Variants in CELF2 observed in about 807,000 individuals in gnomAD.
CELF2 encodes CUG triplet repeat RNA-binding protein 2.
Under a neutral mutation model 62.6 loss-of-function variants are expected in CELF2, and 8 were observed. The ratio of observed to expected loss-of-function variants is 0.13; its 90% CI spans 0.07 to 0.23. The LOEUF is 0.23. Ranked by LOEUF, CELF2 falls within the 10% of genes least tolerant of loss-of-function variation. The pLI is 1.00. For synonymous variants in CELF2, 258 were observed against 250.0 expected (o/e 1.03, Z -0.30); for missense variants, 333 against 671.0 (o/e 0.50, Z 5.56).
intron 2 of CELF2, among the ~76,000 whole-genome samples, chr10:11,186,668 C>T (rs1049714191): frequency 1.3e-5 from 2 of 152,108 alleles, no homozygotes; most frequent in African/African-American, 4.8e-5. Context: ...TGCTCTAAAA[C>T]CTGAAATTTT....
At chr10:10,879,183 T>C (rs536564514) in intron 1 of CELF2, among the ~76,000 whole-genome samples, 1 of 152,322 alleles carries the variant, frequency 6.6e-6, no homozygotes, top group South Asian at 2.1e-4. Context: ...AAGTAAACAC[T>C]GTGTCACTTT....
the CELF2 span, among the ~76,000 whole-genome samples, chr10:10,545,309 C>G: frequency 6.6e-6 from 1 of 152,136 alleles, no homozygotes; most frequent in Non-Finnish European, 1.5e-5. Flanking sequence ...ATTCACATCC[C>G]CACTCAGGTT....
chr10:10,844,521 T>C (rs1012802021), intron 1 of CELF2, among the ~76,000 whole-genome samples: 5 of 152,112 alleles, frequency 3.3e-5, no homozygotes, highest in Admixed American at 6.6e-5. Flanking sequence ...CAGGACGGGC[T>C]TGCTGTACTG....
At chr10:10,494,501 C>T in the CELF2 span, among the ~76,000 whole-genome samples, 8 of 152,150 alleles carry the variant, frequency 5.3e-5, no homozygotes, top group Non-Finnish European at 7.4e-5. Flanking sequence ...GTTTTACATA[C>T]GGGAAGAACA....
At chr10:10,663,388 A>AT in the CELF2 span, among the ~76,000 whole-genome samples, 1 of 152,204 alleles carries the variant, frequency 6.6e-6, no homozygotes, top group African/African-American at 2.4e-5. Context: ...AAAATCCAGG[A>AT]TATTCATACA....
chr10:10,705,291 C>T, the CELF2 span, among the ~76,000 whole-genome samples: 2 of 151,552 alleles, frequency 1.3e-5, no homozygotes, highest in East Asian at 1.9e-4. Context: ...TTGTGAAGCT[C>T]TCAAACTCTG....
At chr10:11,027,946 C>G (rs765210878) in intron 1 of CELF2, among the ~76,000 whole-genome samples, 1 of 152,160 alleles carries the variant, frequency 6.6e-6, no homozygotes, top group African/African-American at 2.4e-5. Flanking sequence ...TAAAACTGGC[C>G]GCAAGTTCCC....
chr10:11,040,364 G>A (rs1412526995), intron 1 of CELF2, among the ~76,000 whole-genome samples: 1 of 152,160 alleles, frequency 6.6e-6, no homozygotes, highest in Non-Finnish European at 1.5e-5. Context: ...TTCCTAATCT[G>A]CTATAATAAC....
chr10:11,318,652 C>G lies in CELF2; in HGVS notation c.1097-2537C>G. The G allele has an allele frequency of 2.5e-6, 1 of 400,076 alleles. No homozygotes were observed. Among genetic ancestry groups the G allele is most frequent in the Non-Finnish European group, 5.2e-6 (1 of 193,592 alleles). The allele number at this position is 400,076 out of a possible 1,614,324, so 24.8% of individuals were successfully genotyped here. A position where few individuals can be genotyped will look rare whatever the true frequency, so the allele number is the denominator to read the frequency against. On this transcript the variant is annotated intron_variant, in intron 10 of 12. Transcript: ENST00000633077. The surrounding 1 kb of genome is among the most constrained non-coding windows in gnomAD (Gnocchi z 5.4). ...CCTCTGAAACATCCATCCAGTATTT[C>G]AAGAGCAGGAGCTGTGTTCTGCTTC...
At chr10:10,839,520 T>C (rs1489473236) in intron 1 of CELF2, among the ~76,000 whole-genome samples, 3 of 152,236 alleles carry the variant, frequency 2.0e-5, no homozygotes, top group African/African-American at 7.2e-5. Flanking sequence ...GAAACAACTT[T>C]ATCAACTACA....
chr10:10,661,325 T>G, the CELF2 span, among the ~76,000 whole-genome samples: 2 of 152,352 alleles, frequency 1.3e-5, no homozygotes, highest in Middle Eastern at 3.4e-3. Context: ...TCAACTATGG[T>G]TGTGTGTATT....
rs2075963797 is a variant in CELF2, at chr10:11,247,513, A to G, written c.355-1640A>G. 1.3e-5 allele frequency among the ~76,000 whole-genome samples: 2 copies of G among 151,794 alleles called. No individual in the cohort carries two copies. The highest frequency in any genetic ancestry group is 4.8e-5 in the African/African-American group (2 of 41,294). ...TGTGGGCTCTGTCCTGCCTCTCCCCACATGCTTGCCAGGGTGCTTACCGGC... is the reference window on the plus strand; with the variant it reads ...TGTGGGCTCTGTCCTGCCTCTCCCCGCATGCTTGCCAGGGTGCTTACCGGC... On this transcript the variant is annotated intron_variant, in intron 3 of 12. Transcript: ENST00000633077. This position sits in a 1 kb window ranked among gnomAD's most constrained non-coding sequence, Gnocchi z 5.4.
the CELF2 span, among the ~76,000 whole-genome samples, chr10:10,611,008 G>C: frequency 3.7e-4 from 56 of 152,328 alleles, no homozygotes; most frequent in Admixed American, 7.2e-4. Flanking sequence ...TGGGGATGAG[G>C]CTAATGAGTT....
rs958897780 is a variant in CELF2, at chr10:11,012,541, C to T, written c.53+7101C>T. 4.7e-4 allele frequency among the ~76,000 whole-genome samples: 72 copies of T among 152,198 alleles called. No individual in the cohort carries two copies. The highest frequency in any genetic ancestry group is 6.5e-4 in the Non-Finnish European group (44 of 68,038). On this transcript the variant is annotated intron_variant, in intron 1 of 12. Coordinates refer to the CELF2 transcript ENST00000416382. The surrounding 1 kb of genome is among the most constrained non-coding windows in gnomAD (Gnocchi z 5.5). The stretch of plus-strand genomic sequence containing the variant: ...CCACATCCATTTCTCTTCCTTTCAC[C>T]CCACCTGTTGCTGCCTTCTCCGGGA...
chr10:10,952,533 G>A (rs940465840), intron 2 of CELF2, among the ~76,000 whole-genome samples: 4 of 152,204 alleles, frequency 2.6e-5, no homozygotes, highest in Non-Finnish European at 5.9e-5. Context: ...ATAGATTCCC[G>A]GAGAGTAGCT....
At chr10:10,644,312 A>G in the CELF2 span, among the ~76,000 whole-genome samples, 1 of 152,176 alleles carries the variant, frequency 6.6e-6, no homozygotes, top group African/African-American at 2.4e-5. Flanking sequence ...AGGGCATCTC[A>G]TTAGTTTTTC....
intron 2 of CELF2, among the ~76,000 whole-genome samples, chr10:10,986,150 T>C (rs759971836): frequency 6.6e-6 from 1 of 152,000 alleles, no homozygotes; most frequent in Non-Finnish European, 1.5e-5. Flanking sequence ...ATACTAACAA[T>C]AGCACTTATC....
intron 2 of CELF2, among the ~76,000 whole-genome samples, chr10:11,186,907 A>G (rs148712933): frequency 1.2e-4 from 19 of 152,320 alleles, no homozygotes; most frequent in African/African-American, 4.6e-4. Flanking sequence ...TTGGTCAAGA[A>G]ATATACCTTG....
intron 1 of CELF2, among the ~76,000 whole-genome samples, chr10:11,033,394 A>C (rs2060450624): frequency 6.6e-6 from 1 of 151,810 alleles, no homozygotes; most frequent in Admixed American, 6.6e-5. Context: ...AGTACCTGGG[A>C]TTACAGGCAT....
Sources: allele counts gnomAD v4.1 joint callset (sites outside exome capture counted in the v4.1 genomes callset), GRCh38; gene constraint gnomAD v4.1.1; non-coding constraint Gnocchi (gnomAD v3.1); transcripts MANE v1.5; gene names NCBI Gene and HGNC (gene_info 2026-07-23, HGNC 2026-07-21).